RTF1: variants seen among roughly 807,000 people sequenced by gnomAD.
RTF1 encodes RTF1 homolog, Paf1/RNA polymerase II complex component.
RTF1 carries 10 observed loss-of-function variants against 95.7 expected under a neutral mutation model. That is an observed-to-expected ratio of 0.10 (90% CI 0.06 to 0.18). The LOEUF is 0.18. RTF1 is among the 10% of genes least tolerant of loss of function. RTF1 has a pLI of 1.00. For missense variants in RTF1, 458 were observed against 875.6 expected (o/e 0.52, Z 6.02); for synonymous variants, 305 against 311.8 (o/e 0.98, Z 0.23).
intron 8 of RTF1, among the ~76,000 whole-genome samples, chr15:41,473,238 A>T (rs1464845762): frequency 1.3e-5 from 2 of 151,638 alleles, no homozygotes; most frequent in Non-Finnish European, 1.5e-5. Context: ...GGTTCACGCC[A>T]TTCTCCTGCC....
chr15:41,460,964 C>T (rs896929874), intron 4 of RTF1, among the ~76,000 whole-genome samples: 1 of 151,498 alleles, frequency 6.6e-6, no homozygotes, highest in African/African-American at 2.4e-5. Flanking sequence ...GCAACCTCCG[C>T]CTACCAGGTT....
intron 6 of RTF1, 135 bp downstream of exon 6, chr15:41,466,387 A>C (rs1010870203): frequency 5.9e-6 from 3 of 504,214 alleles, no homozygotes; most frequent in Non-Finnish European, 1.0e-5. Context: ...ATAAACATCC[A>C]CAAACCCATC....
In RTF1 at chr15:41,417,260, G is replaced by A. The variant is rs2050576028; in HGVS notation, c.145G>A (p.Val49Ile). The A allele has an allele frequency of 1.5e-5, 19 of 1,252,700 alleles. 1 individual carries two copies. The Middle Eastern group carries it at 8.8e-4, about 58-fold the overall frequency. The allele number at this position is 1,252,700 out of a possible 1,614,324, so 77.6% of individuals were successfully genotyped here. Reference protein sequence around the residue: ...TTMVKKRKGRVVIDSDTEDSG... With the variant: ...TTMVKKRKGRIVIDSDTEDSG... ...CATGGTAAAGAAGCGGAAAGGCCGC[G>A]TCGTGATCGACTCGGACACAGAGGA... is the stretch of plus-strand genomic sequence containing the variant. Residue 49 changes from valine (V) to isoleucine (I), a missense_variant, in exon 1 of 18, where the codon GTC becomes ATC. Transcript: ENST00000389629.
chr15:41,478,769 C>A (rs751086002), intron 15 of RTF1, 144 bp downstream of exon 15: 8 of 708,184 alleles, frequency 1.1e-5, no homozygotes, highest in Non-Finnish European at 1.9e-5. Context: ...CTGGATACTT[C>A]CTTTTTTATC....
chr15:41,419,997 T>C (rs577441337), intron 1 of RTF1, among the ~76,000 whole-genome samples: 1 of 152,134 alleles, frequency 6.6e-6, no homozygotes, highest in East Asian at 1.9e-4. Flanking sequence ...TTTTTTGTAT[T>C]TTTAGTGGAG....
At chr15:41,430,207 C>G (rs868472159) in intron 1 of RTF1, among the ~76,000 whole-genome samples, 23 of 137,740 alleles carry the variant, frequency 1.7e-4, no homozygotes, top group African/African-American at 5.7e-4. Flanking sequence ...GAGACAGAGT[C>G]TCGCTGCCCC....
intron 8 of RTF1, among the ~76,000 whole-genome samples, chr15:41,473,443 T>G (rs1181401108): frequency 8.1e-6 from 1 of 123,978 alleles, no homozygotes; most frequent in Non-Finnish European, 1.6e-5. Flanking sequence ...AGGTGTTGGG[T>G]TTTTTTTTTT....
intron 2 of RTF1, among the ~76,000 whole-genome samples, chr15:41,442,057 G>T (rs961337453): frequency 7.9e-5 from 12 of 152,090 alleles, no homozygotes; most frequent in African/African-American, 2.9e-4. Context: ...TGTTATTACT[G>T]TGAGCTCAAA....
At chr15:41,459,633 T>C (rs1179248756) in intron 4 of RTF1, among the ~76,000 whole-genome samples, 4 of 152,218 alleles carry the variant, frequency 2.6e-5, no homozygotes, top group African/African-American at 9.6e-5. Flanking sequence ...GAAATAATTT[T>C]CCAAAATTCA....
rs1328245482 is a variant in RTF1 at position 41,480,949 on chromosome 15, T to G, written c.*262T>G. 1 of 467,198 alleles carries G rather than the reference T, an allele frequency of 2.1e-6. No homozygotes were observed. The highest frequency in any genetic ancestry group is 3.9e-6 in the Non-Finnish European group (1 of 256,742). The allele number at this position is 467,198 out of a possible 1,614,324, so 28.9% of individuals were successfully genotyped here. ...TGGGCTTTATCCATGTCTTTAGATT[T>G]GTGTTTGCCTTTTGTTTTTTTAACC... On this transcript the variant is annotated 3_prime_UTR_variant, in exon 18 of 18. Transcript: ENST00000389629.
At chr15:41,421,333 GT>G (rs1223515061) in intron 1 of RTF1, among the ~76,000 whole-genome samples, 2 of 151,992 alleles carry the variant, frequency 1.3e-5, no homozygotes, top group Non-Finnish European at 2.9e-5. Flanking sequence ...GTGCTTGCCT[GT>G]AATCCCAGTT....
chr15:41,475,101 A>G (rs983627913), intron 9 of RTF1, among the ~76,000 whole-genome samples: 5 of 152,108 alleles, frequency 3.3e-5, no homozygotes, highest in Admixed American at 1.3e-4. Context: ...AGTGTCATTC[A>G]CTCAGCAAAT....
intron 2 of RTF1, among the ~76,000 whole-genome samples, chr15:41,442,746 C>T (rs568793588): frequency 3.3e-5 from 5 of 151,846 alleles, no homozygotes; most frequent in East Asian, 1.9e-4. Flanking sequence ...ATTAGCCAGG[C>T]GTAGTAGTGG....
At chr15:41,432,589 A>G (rs2050680899) in intron 1 of RTF1, among the ~76,000 whole-genome samples, 1 of 152,082 alleles carries the variant, frequency 6.6e-6, no homozygotes, top group African/African-American at 2.4e-5. Flanking sequence ...ACAGATGTCT[A>G]CTATGGTTTG....
intron 4 of RTF1, among the ~76,000 whole-genome samples, chr15:41,459,018 G>A (rs192834039): frequency 3.3e-5 from 5 of 152,236 alleles, no homozygotes; most frequent in African/African-American, 1.2e-4. Context: ...GTTGCAGTGA[G>A]CCAAGATTAT....
At position 41,453,130 on chromosome 15, in the gene RTF1, G is replaced by C. The variant is rs182738622; in HGVS notation, c.457+82G>C. 3.6e-3 allele frequency: 4,389 copies of C among 1,205,260 alleles called. 78 individuals are homozygous for C. In the East Asian group the frequency reaches 0.044, roughly 12 times the overall value. 74.7% of individuals were successfully genotyped at this position (1,205,260 alleles called of 1,614,324 possible). A position where few individuals can be genotyped will look rare whatever the true frequency, so the allele number is the denominator to read the frequency against. ...TGCAAAGGCAGAAGTGGGGAGGAAGGGGGGTACTTGCATTCAGCATGACCT... is the reference window on the plus strand; with the variant it reads ...TGCAAAGGCAGAAGTGGGGAGGAAGCGGGGTACTTGCATTCAGCATGACCT... On this transcript the variant is annotated intron_variant, in intron 3 of 17. Transcript: ENST00000389629.
chr15:41,474,576 C>T lies in RTF1; in HGVS notation c.1204-44C>T, dbSNP rs754249427. ...AAAGGAAGAGTGTTGTGGAAAGCTCCGGAAGAGTCTGGTTTTGACTGGCGT... is the reference window on the plus strand; with the variant it reads ...AAAGGAAGAGTGTTGTGGAAAGCTCTGGAAGAGTCTGGTTTTGACTGGCGT... On this transcript the variant is annotated intron_variant, in intron 8 of 17. Coordinates refer to ENST00000389629, the MANE Select transcript of RTF1 (RefSeq NM_015138.5). 5.9e-6 allele frequency: 8 copies of T among 1,364,314 alleles called. No individual in the cohort carries two copies. In the East Asian group the frequency reaches 1.1e-4, roughly 19 times the overall value. The allele number at this position is 1,364,314 out of a possible 1,614,324, so 84.5% of individuals were successfully genotyped here. A position where few individuals can be genotyped will look rare whatever the true frequency, so the allele number is the denominator to read the frequency against.
chr15:41,417,575 G>C (rs1022049841), intron 1 of RTF1, among the ~76,000 whole-genome samples: 2 of 152,224 alleles, frequency 1.3e-5, no homozygotes, highest in African/African-American at 4.8e-5. Flanking sequence ...CCTCGGGCTC[G>C]GGGGTAGCGA....
chr15:41,461,489 TTTTC>T (rs1216828394), intron 4 of RTF1, among the ~76,000 whole-genome samples: 1 of 150,480 alleles, frequency 6.6e-6, no homozygotes, highest in African/African-American at 2.4e-5. Context: ...CCTGGCTAAT[TTTTC>T]TTTCTTTTTT....
Sources: allele counts gnomAD v4.1 joint callset (sites outside exome capture counted in the v4.1 genomes callset), GRCh38; gene constraint gnomAD v4.1.1; transcripts MANE v1.5; gene names NCBI Gene and HGNC (gene_info 2026-07-23, HGNC 2026-07-21).